DCC: variants seen among roughly 807,000 people sequenced by gnomAD.
The protein encoded by DCC is DCC netrin 1 receptor, also known as netrin receptor DCC.
Under a neutral mutation model 172.5 loss-of-function variants are expected in DCC, and 58 were observed. That is an observed-to-expected ratio of 0.34 (90% CI 0.27 to 0.42). The LOEUF is 0.42. DCC is among the 10% of genes least tolerant of loss of function. DCC has a pLI of 1.00. For missense variants in DCC, 1,740 were observed against 1,791.0 expected (o/e 0.97, Z 0.51); for synonymous variants, 709 against 644.5 (o/e 1.10, Z -1.52).
chr18:53,476,372 C>T (rs998220265), intron 25 of DCC, among the ~76,000 whole-genome samples: 5 of 152,072 alleles, frequency 3.3e-5, no homozygotes, highest in Admixed American at 3.3e-4. Context: ...CTTGAATTCC[C>T]ATGTGTTGTG....
chr18:52,401,808 AAG>A (rs766306673), intron 1 of DCC, among the ~76,000 whole-genome samples: 2 of 151,990 alleles, frequency 1.3e-5, no homozygotes, highest in African/African-American at 2.4e-5. Context: ...CAAAATGATA[AAG>A]AGTTTTCCTA....
At chr18:52,948,738 A>T (rs1360285553) in intron 5 of DCC, among the ~76,000 whole-genome samples, 5 of 152,164 alleles carry the variant, frequency 3.3e-5, no homozygotes, top group Admixed American at 3.3e-4. Context: ...ACACTAATAA[A>T]CACTACATTC....
chr18:52,346,985 G>A (rs1178069000), intron 1 of DCC, among the ~76,000 whole-genome samples: 2 of 152,124 alleles, frequency 1.3e-5, no homozygotes, highest in Non-Finnish European at 2.9e-5. Flanking sequence ...CTTAACAGGA[G>A]TATTTATTGC....
intron 12 of DCC, among the ~76,000 whole-genome samples, chr18:53,246,478 C>T (rs942267824): frequency 6.6e-6 from 1 of 151,514 alleles, no homozygotes; most frequent in African/African-American, 2.4e-5. Flanking sequence ...AATATCTCAG[C>T]TCATATTTCT....
chr18:53,163,524 C>T (rs879691720), intron 8 of DCC, among the ~76,000 whole-genome samples: 3 of 152,190 alleles, frequency 2.0e-5, no homozygotes, highest in Non-Finnish European at 2.9e-5. Flanking sequence ...GTGAATTTAA[C>T]ATTTATCTCA....
intron 4 of DCC, among the ~76,000 whole-genome samples, chr18:52,924,379 A>T (rs1175407637): frequency 2.6e-5 from 4 of 152,266 alleles, no homozygotes; most frequent in African/African-American, 9.6e-5. Flanking sequence ...ATTTTTCTGA[A>T]TTCAAATATG....
intron 1 of DCC, among the ~76,000 whole-genome samples, chr18:52,543,372 A>G (rs1301080834): frequency 6.6e-6 from 1 of 152,200 alleles, no homozygotes; most frequent in African/African-American, 2.4e-5. Flanking sequence ...TGTATTTTAC[A>G]CTTAACAGCT....
At chr18:52,871,141 G>C (rs946038798) in intron 2 of DCC, among the ~76,000 whole-genome samples, 1 of 152,074 alleles carries the variant, frequency 6.6e-6, no homozygotes, top group African/African-American at 2.4e-5. Context: ...AAAGTGTGCT[G>C]CTTAAAATCT....
intron 1 of DCC, among the ~76,000 whole-genome samples, chr18:52,389,582 T>A (rs1312105036): frequency 6.6e-6 from 1 of 152,116 alleles, no homozygotes; most frequent in African/African-American, 2.4e-5. Flanking sequence ...TATGGTAACA[T>A]AGTACATAGT....
chr18:53,432,847 A>G (rs1170410037), intron 21 of DCC, among the ~76,000 whole-genome samples: 12 of 152,108 alleles, frequency 7.9e-5, no homozygotes, highest in Admixed American at 7.9e-4. Context: ...CAAAATTAAA[A>G]TTAAAATTAA....
chr18:52,666,199 C>T (rs186660175), intron 1 of DCC, among the ~76,000 whole-genome samples: 6 of 152,060 alleles, frequency 3.9e-5, no homozygotes, highest in Non-Finnish European at 7.4e-5. Context: ...GGAGCTGAGA[C>T]AGGCGAGTTG....
intron 1 of DCC, among the ~76,000 whole-genome samples, chr18:52,408,516 A>G (rs1184066176): frequency 6.6e-6 from 1 of 152,088 alleles, no homozygotes; most frequent in African/African-American, 2.4e-5. Context: ...GATGTGGACC[A>G]TAAAACAACT....
intron 5 of DCC, among the ~76,000 whole-genome samples, chr18:53,042,083 G>T (rs2042176172): frequency 6.6e-6 from 1 of 151,878 alleles, no homozygotes; most frequent in South Asian, 2.1e-4. Context: ...GTCTTGTGCT[G>T]GTTTTCAAAG....
intron 7 of DCC, among the ~76,000 whole-genome samples, chr18:53,081,305 A>G (rs754354337): frequency 6.6e-6 from 1 of 152,068 alleles, no homozygotes. Context: ...CCTGTGTACT[A>G]TGGTTTGAAT....
At chr18:53,177,407 T>G (rs1183043610) in intron 8 of DCC, among the ~76,000 whole-genome samples, 1 of 152,194 alleles carries the variant, frequency 6.6e-6, no homozygotes, top group Non-Finnish European at 1.5e-5. Context: ...TGGCAGCCAC[T>G]CAGGGTGCAT....
intron 1 of DCC, among the ~76,000 whole-genome samples, chr18:52,508,241 A>T (rs1004079858): frequency 6.6e-6 from 1 of 152,168 alleles, no homozygotes; most frequent in African/African-American, 2.4e-5. Context: ...ACCTACTAAC[A>T]GTTTGTGCTC....
At chr18:52,392,847 T>C (rs1035297259) in intron 1 of DCC, among the ~76,000 whole-genome samples, 1 of 152,072 alleles carries the variant, frequency 6.6e-6, no homozygotes, top group Non-Finnish European at 1.5e-5. Flanking sequence ...TTTTTCAGGA[T>C]TGGAATCGAA....
At chr18:52,368,523 C>G (rs1034555489) in intron 1 of DCC, among the ~76,000 whole-genome samples, 1 of 152,200 alleles carries the variant, frequency 6.6e-6, no homozygotes, top group South Asian at 2.1e-4. Context: ...GATCCTGTCA[C>G]ACTTAAGTGC....
intron 14 of DCC, among the ~76,000 whole-genome samples, chr18:53,335,583 T>C (rs759322140): frequency 6.6e-4 from 101 of 152,240 alleles, no homozygotes; most frequent in Non-Finnish European, 1.3e-3. Flanking sequence ...CCTACATACA[T>C]GTTACAGAAA....
Sources: allele counts gnomAD v4.1 joint callset (sites outside exome capture counted in the v4.1 genomes callset), GRCh38; gene constraint gnomAD v4.1.1; transcripts MANE v1.5; gene names NCBI Gene and HGNC (gene_info 2026-07-23, HGNC 2026-07-21).